The following SAMD5 variants were observed in gnomAD, a reference collection of about 807,000 sequenced individuals.
SAMD5 encodes the protein sterile alpha motif domain containing 5, also known as sterile alpha motif domain-containing protein 5.
Under a neutral mutation model 11.3 loss-of-function variants are expected in SAMD5, and 13 were observed. The ratio of observed to expected loss-of-function variants is 1.15; its 90% CI spans 0.75 to 1.83. The LOEUF is 1.83. Among genes scored for constraint, SAMD5 ranks in the 40% most tolerant of loss-of-function variants. SAMD5 has a pLI of 0.00. For missense variants in SAMD5, 255 were observed against 239.1 expected (o/e 1.07, Z -0.44); for synonymous variants, 129 against 111.3 (o/e 1.16, Z -1.00).
chr6:147,630,631 C>A (rs887852511), intron 1 of SAMD5, among the ~76,000 whole-genome samples: 3 of 151,932 alleles, frequency 2.0e-5, no homozygotes, highest in African/African-American at 7.3e-5. Context: ...AACAGCCCCA[C>A]CCCTATCTCC....
chr6:147,637,904 A>T (rs1205139298), intron 1 of SAMD5, among the ~76,000 whole-genome samples: 1 of 150,880 alleles, frequency 6.6e-6, no homozygotes, highest in Non-Finnish European at 1.5e-5. Flanking sequence ...ACCTTTGTTC[A>T]GTACCAGCCA....
chr6:147,861,260 G>T, the SAMD5 span, among the ~76,000 whole-genome samples: 1 of 151,954 alleles, frequency 6.6e-6, no homozygotes, highest in Non-Finnish European at 1.5e-5. Context: ...CGCCTCCCAG[G>T]TTCAAGCAAT....
chr6:147,896,840 C>T, the SAMD5 span, among the ~76,000 whole-genome samples: 1 of 151,160 alleles, frequency 6.6e-6, no homozygotes, highest in Admixed American at 6.6e-5. Flanking sequence ...CTTCATAGCA[C>T]CAATATTGAA....
chr6:147,557,848 C>T (rs991876048), intron 1 of SAMD5, among the ~76,000 whole-genome samples: 1 of 152,206 alleles, frequency 6.6e-6, no homozygotes, highest in Admixed American at 6.5e-5. Context: ...CACCCTGCCA[C>T]TGATTAGCAG....
At chr6:147,931,894 A>C in the SAMD5 span, among the ~76,000 whole-genome samples, 1 of 152,344 alleles carries the variant, frequency 6.6e-6, no homozygotes, top group East Asian at 1.9e-4. Flanking sequence ...AGAAATATAC[A>C]GTTCAATAAG....
At chr6:147,624,651 T>A (rs370199007) in intron 1 of SAMD5, among the ~76,000 whole-genome samples, 1 of 152,196 alleles carries the variant, frequency 6.6e-6, no homozygotes. Context: ...GCATTTGGGC[T>A]GGTTCCACAT....
the SAMD5 span, among the ~76,000 whole-genome samples, chr6:147,867,596 C>T: frequency 1.4e-4 from 22 of 152,212 alleles, no homozygotes; most frequent in South Asian, 1.5e-3. Flanking sequence ...TTATATCATG[C>T]GATGCAATCA....
chr6:147,548,112 TATA>T (rs59236809), intron 1 of SAMD5, among the ~76,000 whole-genome samples: 11,324 of 151,982 alleles, frequency 0.075, 1,309 homozygotes, highest in African/African-American at 0.25. Context: ...CAAGAAAAAA[TATA>T]ATAATAGCCA....
intron 1 of SAMD5, among the ~76,000 whole-genome samples, chr6:147,713,307 C>G (rs113659592): frequency 2.0e-5 from 3 of 152,320 alleles, no homozygotes; most frequent in African/African-American, 7.2e-5. Flanking sequence ...AACACTCAAA[C>G]TACAGCTCTG....
chr6:147,650,655 G>A (rs913589307), intron 1 of SAMD5, among the ~76,000 whole-genome samples: 2 of 152,226 alleles, frequency 1.3e-5, no homozygotes, highest in Non-Finnish European at 1.5e-5. Context: ...TAAGGAGGTT[G>A]CATCAACGTG....
chr6:147,723,286 A>G (rs1363578834), intron 1 of SAMD5, among the ~76,000 whole-genome samples: 1 of 152,076 alleles, frequency 6.6e-6, no homozygotes, highest in African/African-American at 2.4e-5. Context: ...GGAGTAGCAG[A>G]TGTCTTTTTG....
chr6:147,939,121 T>G, the SAMD5 span, among the ~76,000 whole-genome samples: 15,388 of 152,148 alleles, frequency 0.1, 1,062 homozygotes, highest in South Asian at 0.29. Context: ...CAGTTTATCA[T>G]AAAGGATACA....
chr6:147,775,072 G>T, the SAMD5 span, among the ~76,000 whole-genome samples: 1 of 152,118 alleles, frequency 6.6e-6, no homozygotes, highest in South Asian at 2.1e-4. Flanking sequence ...AATTGGAGGG[G>T]ATGGGGTCTT....
intron 1 of SAMD5, 92 bp from the exon 2 acceptor site, chr6:147,564,302 T>C (rs903712734): frequency 2.7e-6 from 2 of 741,638 alleles, no homozygotes; most frequent in African/African-American, 3.5e-5. Flanking sequence ...GGGACAAGAA[T>C]GACTTAAAAA....
the SAMD5 span, among the ~76,000 whole-genome samples, chr6:147,938,727 G>A: frequency 1.2e-4 from 18 of 152,222 alleles, no homozygotes; most frequent in Non-Finnish European, 1.5e-4. Flanking sequence ...AAGTGCTAGC[G>A]TATCAGAGTA....
chr6:147,871,008 C>T, the SAMD5 span, among the ~76,000 whole-genome samples: 1 of 152,100 alleles, frequency 6.6e-6, no homozygotes, highest in South Asian at 2.1e-4. Context: ...TGTGCATATG[C>T]TTGCTTGCCA....
At chr6:147,610,376 G>A (rs987775465) in intron 1 of SAMD5, among the ~76,000 whole-genome samples, 2 of 152,102 alleles carry the variant, frequency 1.3e-5, no homozygotes, top group Non-Finnish European at 2.9e-5. Flanking sequence ...TTGGTGCAAC[G>A]ACGACACTCC....
At chr6:147,583,879 AAAC>A (rs1789337101) in intron 1 of SAMD5, among the ~76,000 whole-genome samples, 1 of 151,916 alleles carries the variant, frequency 6.6e-6, no homozygotes, top group African/African-American at 2.4e-5. Flanking sequence ...TTATTAGTAA[AAAC>A]AACTAGTCAA....
At chr6:147,812,718 C>T in the SAMD5 span, among the ~76,000 whole-genome samples, 1 of 152,064 alleles carries the variant, frequency 6.6e-6, no homozygotes. Flanking sequence ...GCCAGGCTTA[C>T]CACAGGCACT....
Sources: gnomAD v4.1 joint callset for allele counts (sites outside exome capture counted in the v4.1 genomes callset) on GRCh38, gnomAD v4.1.1 for gene constraint, MANE v1.5 for transcripts, NCBI Gene and HGNC (gene_info 2026-07-23, HGNC 2026-07-21) for gene names.